Variants in UBE2D2 observed in about 807,000 individuals in gnomAD.
UBE2D2 encodes the protein ubiquitin-conjugating enzyme E2 D2.
Under a neutral mutation model 24.2 loss-of-function variants are expected in UBE2D2, and 2 were observed. The ratio of observed to expected loss-of-function variants is 0.08; its 90% CI spans 0.03 to 0.26. The LOEUF is 0.26. Among genes scored for constraint, UBE2D2 ranks in the 10% least tolerant of loss-of-function variants. The probability of loss-of-function intolerance (pLI) is 1.00; values close to 1 mark genes in which losing one functional copy is unlikely to be tolerated. For synonymous variants in UBE2D2, 58 were observed against 56.5 expected, an observed-to-expected ratio of 1.03 and a Z score of -0.12; for missense variants, 44 against 177.6, an observed-to-expected ratio of 0.25 and a Z score of 4.28.
chr5:139,620,198 G>A (rs1016662065), intron 5 of UBE2D2, among the ~76,000 whole-genome samples: 1 of 152,096 alleles, frequency 6.6e-6, no homozygotes, highest in African/African-American at 2.4e-5. Flanking sequence ...GATTTGTGTG[G>A]GGACACAGAT....
intron 1 of UBE2D2, among the ~76,000 whole-genome samples, chr5:139,550,749 T>C (rs1234000630): frequency 6.7e-6 from 1 of 149,862 alleles, no homozygotes. Context: ...CCTTAAGAGG[T>C]GTAATACTCA....
intron 1 of UBE2D2, among the ~76,000 whole-genome samples, chr5:139,539,096 CT>C (rs1561496510): frequency 6.6e-6 from 1 of 151,962 alleles, no homozygotes; most frequent in Non-Finnish European, 1.5e-5. Flanking sequence ...GCGATCTCAG[CT>C]CACTGCAACC....
chr5:139,624,712 T>G (rs1459013409), intron 6 of UBE2D2, among the ~76,000 whole-genome samples: 2 of 152,094 alleles, frequency 1.3e-5, no homozygotes. Flanking sequence ...ACTCAGGACG[T>G]TTAGGTTGCG....
chr5:139,575,531 A>T (rs1405807009), intron 1 of UBE2D2, among the ~76,000 whole-genome samples: 3 of 152,218 alleles, frequency 2.0e-5, no homozygotes, highest in Admixed American at 6.6e-5. Context: ...GCAAACTTCA[A>T]AATACTGTCA....
chr5:139,615,057 TTTAAGAAGAGATAGCAATTCTTC>T, intron 5 of UBE2D2, 91 bp downstream of exon 5: 1 of 1,259,870 alleles, frequency 7.9e-7, no homozygotes, highest in Non-Finnish European at 1.1e-6. Flanking sequence ...TTATGTTTCT[TTTAAGAAGAGATAGCAATTCTTC>T]TTAATCTGAA....
intron 1 of UBE2D2, among the ~76,000 whole-genome samples, chr5:139,567,753 C>T (rs373512318): frequency 2.5e-4 from 38 of 151,036 alleles, no homozygotes; most frequent in African/African-American, 8.3e-4. Context: ...AAGCTGGTCT[C>T]AAACTCCTGA....
chr5:139,575,061 C>G (rs778193827), intron 1 of UBE2D2, among the ~76,000 whole-genome samples: 2 of 152,092 alleles, frequency 1.3e-5, no homozygotes, highest in African/African-American at 2.4e-5. Context: ...CATTACCCAC[C>G]AATAAAAAGG....
chr5:139,540,311 C>A (rs1311865990), intron 1 of UBE2D2, among the ~76,000 whole-genome samples: 4 of 152,246 alleles, frequency 2.6e-5, no homozygotes, highest in Non-Finnish European at 5.9e-5. Context: ...TCCAGTGAAT[C>A]TATAAATATT....
intron 1 of UBE2D2, among the ~76,000 whole-genome samples, chr5:139,575,030 A>C (rs931245013): frequency 8.5e-5 from 13 of 152,228 alleles, no homozygotes; most frequent in African/African-American, 2.9e-4. Context: ...AAAATGTAGA[A>C]AATCCATATA....
chr5:139,605,395 A>G (rs113290299), intron 2 of UBE2D2, among the ~76,000 whole-genome samples: 1 of 151,940 alleles, frequency 6.6e-6, no homozygotes, highest in Admixed American at 6.6e-5. Flanking sequence ...GATTGAGACC[A>G]TCCTGGCTAA....
At chr5:139,539,944 A>G (rs1752733897) in intron 1 of UBE2D2, among the ~76,000 whole-genome samples, 1 of 148,702 alleles carries the variant, frequency 6.7e-6, no homozygotes, top group Non-Finnish European at 1.5e-5. Context: ...TCTGAGACGG[A>G]GTTTCTTTCT....
At chr5:139,605,910 TA>T (rs112553596) in intron 2 of UBE2D2, among the ~76,000 whole-genome samples, 1,487 of 148,358 alleles carry the variant, frequency 0.01, 15 homozygotes, top group Non-Finnish European at 0.016. Context: ...CTGGCTAATT[TA>T]AAAAAAAAAA....
chr5:139,589,316 T>C (rs1753794394), intron 1 of UBE2D2, among the ~76,000 whole-genome samples: 4 of 151,992 alleles, frequency 2.6e-5, no homozygotes, highest in South Asian at 2.1e-4. Context: ...CCCAGCACTT[T>C]GGGAGGCCAA....
intron 5 of UBE2D2, among the ~76,000 whole-genome samples, chr5:139,622,844 C>A (rs866514238): frequency 1.3e-5 from 2 of 151,628 alleles, no homozygotes; most frequent in Non-Finnish European, 1.5e-5. Context: ...GAGCCTAGAC[C>A]GCGCCGCGCC....
At chr5:139,624,069 A>G (rs1754568648) in intron 6 of UBE2D2, among the ~76,000 whole-genome samples, 1 of 152,158 alleles carries the variant, frequency 6.6e-6, no homozygotes, top group African/African-American at 2.4e-5. Context: ...CTTTTCATCA[A>G]GTGCCCATTT....
chr5:139,559,371 A>G (rs1753022905), upstream of UBE2D2, among the ~76,000 whole-genome samples: 1 of 151,560 alleles, frequency 6.6e-6, no homozygotes, highest in South Asian at 2.1e-4. Context: ...GCTTGCAGTG[A>G]GCCGAGATAG....
At chr5:139,622,894 C>T (rs987327856) in intron 5 of UBE2D2, among the ~76,000 whole-genome samples, 4 of 149,380 alleles carry the variant, frequency 2.7e-5, no homozygotes, top group Admixed American at 6.7e-5. Context: ...GACTCCGTCT[C>T]AAAAAATAAA....
In UBE2D2 at chr5:139,627,828, A is replaced by T. The variant is rs1397414071; in HGVS notation, c.*1027A>T. 1 of 152,660 alleles carries T rather than the reference A, an allele frequency of 6.6e-6. No homozygotes were observed. The highest frequency in any genetic ancestry group is 1.5e-5 in the Non-Finnish European group (1 of 68,042). 9.5% of individuals were successfully genotyped at this position (152,660 alleles called of 1,614,324 possible). A position where few individuals can be genotyped will look rare whatever the true frequency, so the allele number is the denominator to read the frequency against. ...ATGAAACAATTCCAGTTACATTGTA[A>T]AAAGGATATCTTACGAGTAATTTTA... On this transcript the variant is annotated 3_prime_UTR_variant, in exon 7 of 7. Transcript: ENST00000398733.
chr5:139,533,810 T>A (rs1752628592), intron 1 of UBE2D2, among the ~76,000 whole-genome samples: 1 of 145,894 alleles, frequency 6.9e-6, no homozygotes, highest in Non-Finnish European at 1.5e-5. Flanking sequence ...TGAGACGGAG[T>A]CTCACTCTGT....
Sources: gnomAD v4.1 joint callset for allele counts (sites outside exome capture counted in the v4.1 genomes callset) on GRCh38, gnomAD v4.1.1 for gene constraint, MANE v1.5 for transcripts, NCBI Gene and HGNC (gene_info 2026-07-23, HGNC 2026-07-21) for gene names.